NBAS: variants seen among roughly 807,000 people sequenced by gnomAD.
NBAS encodes NBAS subunit of NRZ tethering complex, also known as NAG/BC035112 fusion.
NBAS carries 219 observed loss-of-function variants against 302.5 expected under a neutral mutation model. That is an observed-to-expected ratio of 0.72 (90% CI 0.65 to 0.81). The LOEUF (loss-of-function observed/expected upper bound fraction) is 0.81, where lower values mean the gene tolerates loss of function less well. NBAS is among the 30% of genes least tolerant of loss of function. The probability of loss-of-function intolerance (pLI) is 0.00; values close to 1 mark genes in which losing one functional copy is unlikely to be tolerated. For missense variants in NBAS, 2,932 were observed against 2,841.6 expected (o/e 1.03, Z -0.72); for synonymous variants, 1,118 against 1,021.6 (o/e 1.09, Z -1.80).
chr2:15,344,472 A>T (rs1005042172), intron 35 of NBAS, among the ~76,000 whole-genome samples: 3 of 152,176 alleles, frequency 2.0e-5, no homozygotes, highest in Admixed American at 1.3e-4. Flanking sequence ...AAAAAGGTGA[A>T]TCCCGGAAAT....
chr2:15,118,539 T>C, the NBAS span, among the ~76,000 whole-genome samples: 2 of 152,166 alleles, frequency 1.3e-5, no homozygotes, highest in African/African-American at 4.8e-5. Flanking sequence ...GCTCCACCAG[T>C]GCCAGGCCTC....
At chr2:15,216,238 C>G (rs776376887) in intron 48 of NBAS, among the ~76,000 whole-genome samples, 11 of 152,142 alleles carry the variant, frequency 7.2e-5, no homozygotes, top group Non-Finnish European at 1.2e-4. Context: ...TTCAACAAAT[C>G]TGTATCATTA....
intron 32 of NBAS, among the ~76,000 whole-genome samples, chr2:15,358,461 T>C (rs1008048772): frequency 6.6e-6 from 1 of 152,196 alleles, no homozygotes; most frequent in South Asian, 2.1e-4. Flanking sequence ...TTTATTTATT[T>C]AGAGATGTGG....
the NBAS span, among the ~76,000 whole-genome samples, chr2:14,884,733 C>T: frequency 3.9e-5 from 6 of 152,232 alleles, no homozygotes; most frequent in East Asian, 5.8e-4. Context: ...AACAAATAAA[C>T]TCAAATACTA....
the NBAS span, among the ~76,000 whole-genome samples, chr2:14,806,233 C>A: frequency 6.6e-6 from 1 of 152,122 alleles, no homozygotes; most frequent in Non-Finnish European, 1.5e-5. Context: ...TTGAGAACCA[C>A]CACCCTAGAT....
intron 49 of NBAS, among the ~76,000 whole-genome samples, chr2:15,188,328 T>A (rs1207415138): frequency 2.0e-5 from 3 of 152,212 alleles, no homozygotes; most frequent in African/African-American, 4.8e-5. Context: ...ATGGGCAACA[T>A]ACCATCATTG....
chr2:15,441,674 A>T (rs1253782671), intron 21 of NBAS, among the ~76,000 whole-genome samples: 1 of 150,744 alleles, frequency 6.6e-6, no homozygotes, highest in Non-Finnish European at 1.5e-5. Flanking sequence ...TTTAAATGTA[A>T]ATGGACTAAA....
the NBAS span, among the ~76,000 whole-genome samples, chr2:14,855,993 G>C: frequency 6.6e-6 from 1 of 152,184 alleles, no homozygotes; most frequent in Non-Finnish European, 1.5e-5. Flanking sequence ...CTTCCGGCCT[G>C]ACCCAGTGCA....
intron 42 of NBAS, among the ~76,000 whole-genome samples, chr2:15,282,349 A>T (rs931729656): frequency 1.3e-5 from 2 of 152,200 alleles, no homozygotes; most frequent in Non-Finnish European, 2.9e-5. Context: ...ACACAAACCT[A>T]TGTGAACAAT....
intron 31 of NBAS, 75 bp downstream of exon 31, chr2:15,374,533 A>T: frequency 7.7e-7 from 1 of 1,292,110 alleles, no homozygotes; most frequent in African/African-American, 1.5e-5. Context: ...CTTTAGTTTT[A>T]AAAACTAAAA....
At chr2:15,111,625 A>G in the NBAS span, among the ~76,000 whole-genome samples, 15 of 152,192 alleles carry the variant, frequency 9.9e-5, no homozygotes, top group African/African-American at 3.4e-4. Flanking sequence ...AAATCTCAGA[A>G]TTAATGAGCC....
chr2:14,785,147 T>C, the NBAS span, among the ~76,000 whole-genome samples: 1 of 152,188 alleles, frequency 6.6e-6, no homozygotes, highest in Non-Finnish European at 1.5e-5. Context: ...TAAGAATGCT[T>C]GTGATTTTTG....
intron 47 of NBAS, among the ~76,000 whole-genome samples, chr2:15,225,656 T>C (rs980274713): frequency 1.3e-5 from 2 of 152,174 alleles, no homozygotes; most frequent in African/African-American, 4.8e-5. Context: ...TGTGGTGAAG[T>C]AGCAATTTAA....
At chr2:14,787,748 C>T in the NBAS span, among the ~76,000 whole-genome samples, 1 of 152,168 alleles carries the variant, frequency 6.6e-6, no homozygotes, top group Non-Finnish European at 1.5e-5. Context: ...TCTGGCTGCC[C>T]TTAATATTTT....
chr2:15,130,580 G>A, the NBAS span, among the ~76,000 whole-genome samples: 7 of 152,220 alleles, frequency 4.6e-5, no homozygotes, highest in Non-Finnish European at 1.0e-4. Context: ...AGGAGAATAT[G>A]AGCGTTAGAA....
rs759810977 is a variant in NBAS at position 15,417,683 on chromosome 2, A to T, written c.2607T>A (p.Leu869=). Reference sequence around the variant, plus strand: ...AACCAGGAATATTCCGCTCCATCCCAAGTCGAATAAGTGACAATGCACAGT... The same window carrying T: ...AACCAGGAATATTCCGCTCCATCCCTAGTCGAATAAGTGACAATGCACAGT... The part of the protein sequence containing the change: ...QVDCALSLIR[L]GMERNIPGLL... The change falls in exon 24 of 52, where the codon CTT becomes CTA. Residue 869 remains leucine, a synonymous_variant. Transcript: ENST00000281513. 3 of 1,613,976 alleles carry T rather than the reference A, an allele frequency of 1.9e-6. No homozygotes were observed. The Admixed American group carries it at 5.0e-5, about 27-fold the overall frequency.
At chr2:15,068,234 T>C in the NBAS span, among the ~76,000 whole-genome samples, 1 of 152,210 alleles carries the variant, frequency 6.6e-6, no homozygotes, top group Non-Finnish European at 1.5e-5. Context: ...AAACATCTAC[T>C]TACCTAGTCC....
At chr2:15,215,102 C>A (rs773579166) in intron 48 of NBAS, among the ~76,000 whole-genome samples, 47 of 152,070 alleles carry the variant, frequency 3.1e-4, no homozygotes, top group Non-Finnish European at 6.3e-4. Flanking sequence ...TCAGATAAAC[C>A]GTACTATGAG....
chr2:14,903,395 T>C, the NBAS span, among the ~76,000 whole-genome samples: 7 of 148,278 alleles, frequency 4.7e-5, no homozygotes, highest in African/African-American at 1.5e-4. Context: ...AAATGAAAAA[T>C]ACATATAAAG....
Sources: gnomAD v4.1 joint callset for allele counts (sites outside exome capture counted in the v4.1 genomes callset) on GRCh38, gnomAD v4.1.1 for gene constraint, MANE v1.5 for transcripts, NCBI Gene and HGNC (gene_info 2026-07-23, HGNC 2026-07-21) for gene names.